Variants in PIK3R1 observed in about 807,000 individuals in gnomAD.
The protein encoded by PIK3R1 is phosphoinositide-3-kinase regulatory subunit 1, also known as phosphatidylinositol 3-kinase regulatory subunit alpha.
PIK3R1 carries 29 observed loss-of-function variants against 98.0 expected under a neutral mutation model. That is an observed-to-expected ratio of 0.30 (90% confidence interval 0.22 to 0.40). The LOEUF is 0.40. PIK3R1 is among the 10% of genes least tolerant of loss of function. The pLI is 1.00. For missense variants in PIK3R1, 596 were observed against 872.7 expected (o/e 0.68, Z 3.99); for synonymous variants, 282 against 311.8 (o/e 0.90, Z 1.01).
intron 2 of PIK3R1, among the ~76,000 whole-genome samples, chr5:68,249,193 G>A (rs1195678418): frequency 1.3e-5 from 2 of 152,084 alleles, no homozygotes; most frequent in Admixed American, 1.3e-4. Flanking sequence ...CTTCCTTTAG[G>A]AAAAGGAATA....
chr5:68,267,535 T>C (rs938145883), intron 2 of PIK3R1, among the ~76,000 whole-genome samples: 2 of 152,204 alleles, frequency 1.3e-5, no homozygotes, highest in Non-Finnish European at 2.9e-5. Context: ...ACTCTTTTAA[T>C]TCCCTCCTGC....
intron 4 of PIK3R1, among the ~76,000 whole-genome samples, 179 bp from the exon 5 acceptor site, chr5:68,279,423 C>T (rs755336565): frequency 2.6e-5 from 4 of 151,972 alleles, no homozygotes; most frequent in African/African-American, 4.8e-5. Flanking sequence ...CCCAAATGCC[C>T]GGAGCAACCC....
intron 2 of PIK3R1, among the ~76,000 whole-genome samples, chr5:68,265,115 C>T (rs55710167): frequency 0.27 from 41,126 of 151,830 alleles, 6,847 homozygotes; most frequent in African/African-American, 0.48. Context: ...GTCCGAGGAC[C>T]GGCAGCATGG....
intron 2 of PIK3R1, among the ~76,000 whole-genome samples, chr5:68,236,018 A>G (rs1180030848): frequency 2.0e-5 from 3 of 146,616 alleles, no homozygotes; most frequent in Non-Finnish European, 4.5e-5. Flanking sequence ...CTACAGGCAC[A>G]TGCTGCCACG....
chr5:68,275,829 T>TA (rs879321508), intron 4 of PIK3R1, among the ~76,000 whole-genome samples: 207 of 147,804 alleles, frequency 1.4e-3, no homozygotes, highest in Middle Eastern at 7.0e-3. Flanking sequence ...CACTTACACC[T>TA]AAAAAAAAAA....
intron 2 of PIK3R1, among the ~76,000 whole-genome samples, chr5:68,246,943 A>C (rs1745119624): frequency 6.6e-6 from 1 of 152,156 alleles, no homozygotes; most frequent in Admixed American, 6.6e-5. Context: ...GGGAGAGGAA[A>C]GGCAGTCTTT....
At chr5:68,218,930 A>G (rs1057001802) in intron 1 of PIK3R1, among the ~76,000 whole-genome samples, 1 of 152,238 alleles carries the variant, frequency 6.6e-6, no homozygotes, top group Admixed American at 6.5e-5. Context: ...CAAAGTATTC[A>G]TATCATTTAC....
chr5:68,230,360 C>T lies in PIK3R1; in HGVS notation c.334+3351C>T, dbSNP rs1329779388. ...TGTGGTCCCCCATTATCCTAAGTACCTAGGACAGTGTGGTAGTTTCCCAAC... is the reference window on the plus strand; with the variant it reads ...TGTGGTCCCCCATTATCCTAAGTACTTAGGACAGTGTGGTAGTTTCCCAAC... On this transcript the variant is annotated intron_variant, in intron 2 of 15. Transcript: ENST00000521381. Among the ~76,000 whole-genome samples, 5 of 152,184 alleles carry T rather than the reference C, an allele frequency of 3.3e-5. No individual in the cohort carries two copies. The East Asian group carries it at 9.6e-4, about 29-fold the overall frequency.
At chr5:68,262,276 C>A (rs181062672) in intron 2 of PIK3R1, among the ~76,000 whole-genome samples, 2,399 of 151,496 alleles carry the variant, frequency 0.016, 29 homozygotes, top group Non-Finnish European at 0.025. Flanking sequence ...CCTGCTGACT[C>A]TTAAGCAATT....
intron 2 of PIK3R1, among the ~76,000 whole-genome samples, chr5:68,237,721 GA>G (rs772318998): frequency 0.018 from 2,594 of 145,226 alleles, 75 homozygotes; most frequent in African/African-American, 0.058. Context: ...AAGATAGGAA[GA>G]AAAAAAAAAA....
chr5:68,236,953 A>G (rs1056777478), intron 2 of PIK3R1, among the ~76,000 whole-genome samples: 1 of 152,258 alleles, frequency 6.6e-6, no homozygotes, highest in Non-Finnish European at 1.5e-5. Context: ...AATTTTTCTC[A>G]GGAAGAAATA....
At chr5:68,234,645 A>T (rs892651635) in intron 2 of PIK3R1, among the ~76,000 whole-genome samples, 3 of 152,244 alleles carry the variant, frequency 2.0e-5, no homozygotes, top group Non-Finnish European at 4.4e-5. Context: ...TTTGAACAGT[A>T]TCTGTGCAGT....
At chr5:68,234,925 C>T (rs963375854) in intron 2 of PIK3R1, among the ~76,000 whole-genome samples, 19 of 152,266 alleles carry the variant, frequency 1.2e-4, no homozygotes, top group Non-Finnish European at 2.6e-4. Context: ...AGACTTGGCA[C>T]ATGGGACCAG....
intron 4 of PIK3R1, among the ~76,000 whole-genome samples, 156 bp from the exon 5 acceptor site, chr5:68,279,446 C>T (rs1038513396): frequency 6.6e-6 from 1 of 151,844 alleles, no homozygotes; most frequent in East Asian, 1.9e-4. Flanking sequence ...ACAAGAAGTA[C>T]GGCTAACGAA....
At chr5:68,255,631 TATTTA>T (rs777361602) in intron 2 of PIK3R1, among the ~76,000 whole-genome samples, 2 of 152,224 alleles carry the variant, frequency 1.3e-5, no homozygotes, top group Admixed American at 1.3e-4. Context: ...TCAGTCTCAG[TATTTA>T]ATTGTCTCCA....
At chr5:68,217,352 G>GT (rs1359116607) in intron 1 of PIK3R1, 3 of 152,138 alleles carry the variant, frequency 2.0e-5, no homozygotes, top group Non-Finnish European at 2.9e-5. Context: ...GGGCAGACAG[G>GT]TTCATTTCTT....
rs1354843466 is a variant in PIK3R1, at chr5:68,290,892, G to T, written c.917-1367G>T. On this transcript the variant is annotated intron_variant, in intron 7 of 15. Transcript: ENST00000521381. ...TAATTTCGTGGCTTTTTAATTTTTC[G>T]AAAGCTACTGTAAAAGATCCTTTTT... 7.4e-6 allele frequency: 8 copies of T among 1,087,976 alleles called. No homozygotes were observed. The Admixed American group carries it at 9.6e-5, about 13-fold the overall frequency. 67.4% of individuals were successfully genotyped at this position (1,087,976 alleles called of 1,614,324 possible).
intron 2 of PIK3R1, among the ~76,000 whole-genome samples, chr5:68,267,565 T>C (rs1204638770): frequency 6.6e-6 from 1 of 152,194 alleles, no homozygotes; most frequent in Non-Finnish European, 1.5e-5. Context: ...CTGAAAATAA[T>C]GTAGTTATGG....
intron 1 of PIK3R1, among the ~76,000 whole-genome samples, chr5:68,218,797 A>G (rs1466933630): frequency 6.6e-6 from 1 of 152,208 alleles, no homozygotes; most frequent in Non-Finnish European, 1.5e-5. Context: ...ATTTTAATGA[A>G]GCCCTGGAAG....
Sources: allele counts gnomAD v4.1 joint callset (sites outside exome capture counted in the v4.1 genomes callset), GRCh38; gene constraint gnomAD v4.1.1; transcripts MANE v1.5; gene names NCBI Gene and HGNC (gene_info 2026-07-23, HGNC 2026-07-21).